PRIMA1: variants seen among roughly 807,000 people sequenced by gnomAD.
The protein encoded by PRIMA1 is proline-rich membrane anchor 1.
PRIMA1 carries 7 observed loss-of-function variants against 17.5 expected under a neutral mutation model. That is an observed-to-expected ratio of 0.40 (90% CI 0.23 to 0.75). The LOEUF (loss-of-function observed/expected upper bound fraction) is 0.75, where lower values mean the gene tolerates loss of function less well. Among genes scored for constraint, PRIMA1 ranks in the 30% least tolerant of loss-of-function variants. The pLI is 0.37. For synonymous variants in PRIMA1, 97 were observed against 77.9 expected, an observed-to-expected ratio of 1.25 and a Z score of -1.29; for missense variants, 200 against 201.8, an observed-to-expected ratio of 0.99 and a Z score of 0.05.
intron 3 of PRIMA1, among the ~76,000 whole-genome samples, chr14:93,738,523 G>A (rs561150700): frequency 6.6e-6 from 1 of 152,284 alleles, no homozygotes; most frequent in Non-Finnish European, 1.5e-5. Context: ...TCCAAGACGT[G>A]AATATATGCA....
intron 3 of PRIMA1, among the ~76,000 whole-genome samples, chr14:93,772,746 C>A (rs1161723487): frequency 6.6e-6 from 1 of 152,152 alleles, no homozygotes; most frequent in African/African-American, 2.4e-5. Flanking sequence ...AAAACCTTTT[C>A]TTTCCTGTTG....
rs551738343 is a variant in PRIMA1, at chr14:93,725,016, T to A, written c.360-3470A>T. Among the ~76,000 whole-genome samples the A allele has an allele frequency of 5.3e-5, 8 of 152,276 alleles. No individual in the cohort carries two copies. In the East Asian group the frequency reaches 1.4e-3, roughly 26 times the overall value. Reference sequence around the variant, plus strand: ...AGTTCTAAAGGCTTCCTGCCATCTCTGAGACCCCTTCGTACTCGCGGGCCC... The same window carrying A: ...AGTTCTAAAGGCTTCCTGCCATCTCAGAGACCCCTTCGTACTCGCGGGCCC... On this transcript the variant is annotated intron_variant, in intron 4 of 4. Transcript: ENST00000393140.
In PRIMA1 at chr14:93,726,189, G is replaced by A. The variant is rs1438214093; in HGVS notation, c.360-4643C>T. On this transcript the variant is annotated intron_variant, in intron 4 of 4. Transcript: ENST00000393140. This position sits in a 1 kb window ranked among gnomAD's most constrained non-coding sequence, Gnocchi z 4.2. ...ACAGCTCCAGCCGCACATGCCAGCA[G>A]CCACGAGGGGCCCCTGCAGAAACTG... Among the ~76,000 whole-genome samples the A allele has an allele frequency of 6.6e-6, 1 of 152,160 alleles. No homozygotes were observed. The highest frequency in any genetic ancestry group is 1.5e-5 in the Non-Finnish European group (1 of 68,016).
rs2076078336 is a variant in PRIMA1, at chr14:93,726,644, A to G, written c.360-5098T>C. Among the ~76,000 whole-genome samples, 1 of 152,064 alleles carries G rather than the reference A, an allele frequency of 6.6e-6. No homozygotes were observed. Among genetic ancestry groups the G allele is most frequent in the South Asian group, 2.1e-4 (1 of 4,822 alleles). On this transcript the variant is annotated intron_variant, in intron 4 of 4. Transcript: ENST00000393140. This position sits in a 1 kb window ranked among gnomAD's most constrained non-coding sequence, Gnocchi z 4.2. ...CATAGACACATGTACACATGCACAA[A>G]TCCACACACACATACAATATACACA...
At chr14:93,737,910 C>A (rs1422371246) in intron 3 of PRIMA1, among the ~76,000 whole-genome samples, 1 of 151,962 alleles carries the variant, frequency 6.6e-6, no homozygotes, top group Non-Finnish European at 1.5e-5. Context: ...GCATCTCATT[C>A]TCTCAGCTGA....
chr14:93,760,405 C>A (rs1222531842), intron 3 of PRIMA1, among the ~76,000 whole-genome samples: 1 of 152,174 alleles, frequency 6.6e-6, no homozygotes, highest in Admixed American at 6.5e-5. Context: ...ACCTCCTATA[C>A]CACCCGTCTT....
intron 2 of PRIMA1, among the ~76,000 whole-genome samples, chr14:93,785,090 G>A (rs1885485334): frequency 6.7e-6 from 1 of 150,028 alleles, no homozygotes; most frequent in African/African-American, 2.5e-5. Flanking sequence ...GATGGCTTCT[G>A]GCATCTTTCA....
At chr14:93,727,179 T>A (rs565025192) in intron 4 of PRIMA1, among the ~76,000 whole-genome samples, 2 of 152,334 alleles carry the variant, frequency 1.3e-5, no homozygotes, top group East Asian at 1.9e-4. Context: ...TGGGATCACC[T>A]GTTTGGCCGC....
intron 3 of PRIMA1, among the ~76,000 whole-genome samples, chr14:93,751,337 C>T (rs1434466282): frequency 6.6e-6 from 1 of 152,218 alleles, no homozygotes; most frequent in African/African-American, 2.4e-5. Flanking sequence ...CTTTGCAGGA[C>T]TTGGCCTGAG....
intron 4 of PRIMA1, among the ~76,000 whole-genome samples, chr14:93,729,510 CTCCTGGAAGTT>C (rs1183092383): frequency 6.6e-6 from 1 of 152,202 alleles, no homozygotes; most frequent in Non-Finnish European, 1.5e-5. Context: ...GAATTTCTTG[CTCCTGGAAGTT>C]TGTGGTGAGT....
At chr14:93,723,193 C>A (rs556424094) in intron 4 of PRIMA1, among the ~76,000 whole-genome samples, 1 of 152,172 alleles carries the variant, frequency 6.6e-6, no homozygotes. Context: ...CTCATCCCCA[C>A]GGGGCTGTAG....
intron 4 of PRIMA1, among the ~76,000 whole-genome samples, chr14:93,722,752 ATG>A: frequency 4.9e-4 from 7 of 14,318 alleles, no homozygotes; most frequent in South Asian, 5.0e-3. Flanking sequence ...AGTGGTGGTG[ATG>A]GAGGTGATGA....
chr14:93,761,119 G>C lies in PRIMA1; in HGVS notation c.229+18057C>G, dbSNP rs1180560595. ...CCAGAACTTTGGGAGGCCAAGGCGG[G>C]TGGATCACTTGAGGCTAGGAGCTCG... is the stretch of plus-strand genomic sequence containing the variant. On this transcript the variant is annotated intron_variant, in intron 3 of 4. Transcript: ENST00000393140. 1.3e-5 allele frequency among the ~76,000 whole-genome samples: 2 copies of C among 152,076 alleles called. 1 individual carries two copies.
At chr14:93,727,834 G>C (rs2076088695) in intron 4 of PRIMA1, among the ~76,000 whole-genome samples, 1 of 151,318 alleles carries the variant, frequency 6.6e-6, no homozygotes, top group South Asian at 2.1e-4. Flanking sequence ...GCCTTCATTG[G>C]TAATGGGAAT....
chr14:93,728,463 C>T (rs921358532), intron 4 of PRIMA1, among the ~76,000 whole-genome samples: 3 of 151,982 alleles, frequency 2.0e-5, no homozygotes, highest in South Asian at 2.1e-4. Context: ...TGAGCGAGGG[C>T]GGAGAGGAGG....
At chr14:93,725,591 T>C (rs1424342528) in intron 4 of PRIMA1, among the ~76,000 whole-genome samples, 1 of 152,188 alleles carries the variant, frequency 6.6e-6, no homozygotes, top group Non-Finnish European at 1.5e-5. Flanking sequence ...GCAAGCTACA[T>C]AGCCTCTCTA....
At chr14:93,732,117 G>A (rs189618352) in intron 4 of PRIMA1, among the ~76,000 whole-genome samples, 2 of 152,242 alleles carry the variant, frequency 1.3e-5, no homozygotes, top group South Asian at 4.1e-4. Flanking sequence ...CTGTCCAGTG[G>A]CTTCATGGCA....
intron 4 of PRIMA1, 28 bp downstream of exon 4, chr14:93,737,213 A>C: frequency 6.2e-7 from 1 of 1,612,186 alleles, no homozygotes; most frequent in South Asian, 1.1e-5. Flanking sequence ...CTTCGGCTTG[A>C]AGCTGGGTGC....
chr14:93,723,402 G>A (rs1373609439), intron 4 of PRIMA1, among the ~76,000 whole-genome samples: 6 of 152,140 alleles, frequency 3.9e-5, no homozygotes, highest in Admixed American at 6.5e-5. Flanking sequence ...GATGTCTCTG[G>A]GATAAAGCCC....
Sources: gnomAD v4.1 joint callset for allele counts (sites outside exome capture counted in the v4.1 genomes callset) on GRCh38, gnomAD v4.1.1 for gene constraint, Gnocchi (gnomAD v3.1) non-coding constraint, MANE v1.5 for transcripts, NCBI Gene and HGNC (gene_info 2026-07-23, HGNC 2026-07-21) for gene names.